The following ADGRL2 variants were observed in gnomAD, a reference collection of about 807,000 sequenced individuals.
ADGRL2 encodes adhesion G protein-coupled receptor L2.
In ADGRL2, 44 loss-of-function variants were observed where a neutral mutation model predicts 157.4. That is an observed-to-expected ratio of 0.28 (90% CI 0.22 to 0.36). ADGRL2 has a LOEUF of 0.36. Ranked by LOEUF, ADGRL2 falls within the 10% of genes least tolerant of loss-of-function variation. ADGRL2 has a pLI of 1.00. For synonymous variants in ADGRL2, 585 were observed against 624.7 expected, an observed-to-expected ratio of 0.94 and a Z score of 0.95; for missense variants, 1,510 against 1,768.9, an observed-to-expected ratio of 0.85 and a Z score of 2.63.
intron 3 of ADGRL2, among the ~76,000 whole-genome samples, chr1:81,643,456 G>A (rs1466284817): frequency 6.6e-6 from 1 of 152,136 alleles, no homozygotes; most frequent in East Asian, 1.9e-4. Flanking sequence ...AGGACTACAA[G>A]TATGTGCCAC....
At chr1:81,934,802 T>G (rs898024216) in intron 3 of ADGRL2, among the ~76,000 whole-genome samples, 4 of 150,882 alleles carry the variant, frequency 2.7e-5, no homozygotes, top group African/African-American at 7.3e-5. Context: ...GAAAGGGATA[T>G]CTAACACACA....
In ADGRL2 at chr1:81,950,278, A is replaced by G. The variant is rs1392294079; in HGVS notation, c.1300A>G (p.Met434Val). ...TTSTTSQKGP[M>V]STTVAGSQEG... The stretch of plus-strand genomic sequence containing the variant: ...AAGCACTACTTCACAGAAAGGCCCC[A>G]TGAGCACAACTGTAGCTGGATCACA... The change falls in exon 7 of 24, where the codon ATG becomes GTG. Residue 434 changes from methionine to valine, a missense_variant. Physicochemically the swap from Met to Val is conservative, Grantham distance 21 (BLOSUM62 1). Coordinates refer to ENST00000686636, the MANE Select transcript of ADGRL2 (RefSeq NM_001366006.2). The G allele has an allele frequency of 6.2e-7, 1 of 1,614,114 alleles. No homozygotes were observed. The highest frequency in any genetic ancestry group is 8.5e-7 in the Non-Finnish European group (1 of 1,179,978).
intron 1 of ADGRL2, among the ~76,000 whole-genome samples, chr1:81,399,676 T>A (rs2076718101): frequency 6.6e-6 from 1 of 152,218 alleles, no homozygotes; most frequent in Non-Finnish European, 1.5e-5. Context: ...TTGTTCATAC[T>A]ATGAATTGTT....
At chr1:81,747,312 T>A (rs1401053355) in intron 1 of ADGRL2, among the ~76,000 whole-genome samples, 1 of 148,494 alleles carries the variant, frequency 6.7e-6, no homozygotes, top group African/African-American at 2.5e-5. Flanking sequence ...TATATATTTT[T>A]TTTTTTGAGA....
intron 2 of ADGRL2, among the ~76,000 whole-genome samples, chr1:81,561,015 T>C (rs1195604472): frequency 6.6e-6 from 1 of 152,136 alleles, no homozygotes; most frequent in Non-Finnish European, 1.5e-5. Flanking sequence ...CAGATGTTTA[T>C]TGGGATGATT....
At chr1:81,422,931 A>G (rs2077151390) in intron 1 of ADGRL2, among the ~76,000 whole-genome samples, 1 of 152,220 alleles carries the variant, frequency 6.6e-6, no homozygotes, top group Non-Finnish European at 1.5e-5. Flanking sequence ...TGTTTCCTAC[A>G]GCCTCCACAC....
At chr1:81,519,219 A>T (rs1386363158) in intron 2 of ADGRL2, among the ~76,000 whole-genome samples, 1 of 152,228 alleles carries the variant, frequency 6.6e-6, no homozygotes, top group African/African-American at 2.4e-5. Context: ...ACATCATGGC[A>T]AAATGAACAT....
chr1:81,596,936 G>C (rs777404732), intron 3 of ADGRL2, among the ~76,000 whole-genome samples: 3 of 152,058 alleles, frequency 2.0e-5, no homozygotes, highest in Admixed American at 6.6e-5. Context: ...TCTGTCTTTG[G>C]TTAGTAAGAC....
rs1320390225 is a variant in ADGRL2, at chr1:81,757,211, T to TA, written c.-142-4596dup. Among the ~76,000 whole-genome samples the TA allele has an allele frequency of 2.6e-5, 4 of 152,290 alleles. No homozygotes were observed. The East Asian group carries it at 7.7e-4, about 29-fold the overall frequency. Reference sequence around the variant, plus strand: ...GAATTTTAACCAACCTAAGTTAATGTAAAAGTTTGATTTGAAAGGGTCTGG... The same window carrying TA: ...GAATTTTAACCAACCTAAGTTAATGTAAAAAGTTTGATTTGAAAGGGTCTGG... On this transcript the variant is annotated intron_variant, in intron 1 of 20. Coordinates refer to the ADGRL2 transcript ENST00000359929.
chr1:81,803,686 T>G (rs1335021059), intron 1 of ADGRL2, among the ~76,000 whole-genome samples: 1 of 152,102 alleles, frequency 6.6e-6, no homozygotes, highest in Non-Finnish European at 1.5e-5. Flanking sequence ...CCTGGGAGCG[T>G]CTGAGCTGCA....
chr1:81,493,683 GA>G (rs2078677944), intron 2 of ADGRL2, among the ~76,000 whole-genome samples: 2 of 152,096 alleles, frequency 1.3e-5, no homozygotes, highest in African/African-American at 4.8e-5. Flanking sequence ...TAATAAGCCA[GA>G]ACTGTCAAAC....
intron 1 of ADGRL2, among the ~76,000 whole-genome samples, chr1:81,739,913 C>T (rs2085018559): frequency 6.6e-6 from 1 of 152,206 alleles, no homozygotes; most frequent in Non-Finnish European, 1.5e-5. Flanking sequence ...TGACACAACA[C>T]ATACATGCAC....
At chr1:81,427,698 C>G (rs2077244035) in intron 1 of ADGRL2, 1 of 435,798 alleles carries the variant, frequency 2.3e-6, no homozygotes, top group South Asian at 3.1e-5. Flanking sequence ...ACAGTCATCC[C>G]AAATGCATTA....
intron 1 of ADGRL2, chr1:81,735,400 C>T (rs2084861471): frequency 6.6e-6 from 1 of 151,038 alleles, no homozygotes; most frequent in Non-Finnish European, 1.5e-5. Context: ...ATAATAAACA[C>T]ACCTACCACA....
intron 1 of ADGRL2, among the ~76,000 whole-genome samples, chr1:81,378,866 T>C (rs1007303404): frequency 1.3e-5 from 2 of 152,214 alleles, no homozygotes; most frequent in African/African-American, 2.4e-5. Context: ...TAAATGACGC[T>C]ATAGATAGCA....
chr1:81,426,279 G>C (rs1408753672), intron 1 of ADGRL2, among the ~76,000 whole-genome samples: 2 of 152,158 alleles, frequency 1.3e-5, no homozygotes, highest in African/African-American at 2.4e-5. Flanking sequence ...TGAGGGTCTT[G>C]TGGCCTATTT....
intron 2 of ADGRL2, among the ~76,000 whole-genome samples, chr1:81,517,464 CAAAAAAAAAAAA>C (rs397956551): frequency 4.4e-5 from 2 of 45,268 alleles, no homozygotes; most frequent in African/African-American, 1.6e-4. Flanking sequence ...GACTCCCTCT[CAAAAAAAAAAAA>C]AAAAAAAAAA....
chr1:81,777,637 C>G lies in ADGRL2; in HGVS notation c.-101+15785C>G, dbSNP rs552889068. Among the ~76,000 whole-genome samples, 547 of 152,188 alleles carry G rather than the reference C, an allele frequency of 3.6e-3. 7 individuals carry two copies. The highest frequency in any genetic ancestry group is 0.013 in the African/African-American group (525 of 41,532). ...AATTAGCCCGGTGTCATGGCACATG[C>G]CTGTAGTCCCAGCTACCCAGGAGGC... On this transcript the variant is annotated intron_variant, in intron 2 of 20. Transcript: ENST00000359929.
chr1:81,772,600 GCACC>G (rs370830579), intron 2 of ADGRL2, among the ~76,000 whole-genome samples: 64 of 151,920 alleles, frequency 4.2e-4, no homozygotes, highest in African/African-American at 1.5e-3. Context: ...GTGGTGGCAG[GCACC>G]TGTAATCCCA....
Sources: allele counts gnomAD v4.1 joint callset (sites outside exome capture counted in the v4.1 genomes callset), GRCh38; gene constraint gnomAD v4.1.1; transcripts MANE v1.5; gene names NCBI Gene and HGNC (gene_info 2026-07-23, HGNC 2026-07-21).